TIMD4: variants seen among roughly 807,000 people sequenced by gnomAD.
The protein encoded by TIMD4 is T-cell immunoglobulin and mucin domain-containing protein 4.
In TIMD4, 31 loss-of-function variants were observed where a neutral mutation model predicts 41.2. The ratio of observed to expected loss-of-function variants is 0.75; its 90% CI spans 0.57 to 1.01. TIMD4 has a LOEUF of 1.01. TIMD4 is among the 50% of genes least tolerant of loss of function. The pLI is 0.00. For missense variants in TIMD4, 479 were observed against 472.5 expected (o/e 1.01, Z -0.13); for synonymous variants, 204 against 177.1 (o/e 1.15, Z -1.21).
chr5:156,940,572 C>A (rs1253082698), intron 5 of TIMD4, among the ~76,000 whole-genome samples: 5 of 151,722 alleles, frequency 3.3e-5, no homozygotes, highest in African/African-American at 1.2e-4. Flanking sequence ...CCCGCCGCCC[C>A]GTCTGGGATG....
chr5:156,919,627 T>A, intron 8 of TIMD4, 86 bp from the exon 9 acceptor site: 1 of 1,105,218 alleles, frequency 9.0e-7, no homozygotes, highest in Admixed American at 1.9e-5. Flanking sequence ...ACAGTGCAAT[T>A]ACCCTTAAAG....
chr5:156,923,107 A>G (rs1759280249), intron 6 of TIMD4, among the ~76,000 whole-genome samples: 1 of 151,258 alleles, frequency 6.6e-6, no homozygotes, highest in Admixed American at 6.6e-5. Flanking sequence ...TATGTTGCCC[A>G]GGCTGGGCTC....
At chr5:156,946,515 C>T (rs1285636331) in intron 5 of TIMD4, among the ~76,000 whole-genome samples, 6 of 152,128 alleles carry the variant, frequency 3.9e-5, no homozygotes, top group African/African-American at 1.4e-4. Context: ...TCTCACTCGT[C>T]GCCCAGGCTG....
chr5:156,920,030 A>C (rs919526511), intron 8 of TIMD4, among the ~76,000 whole-genome samples: 5 of 152,226 alleles, frequency 3.3e-5, no homozygotes, highest in Non-Finnish European at 7.3e-5. Context: ...AAAAGGCCCC[A>C]AAACAAGCTG....
chr5:156,962,605 T>G (rs1183158760), intron 1 of TIMD4, among the ~76,000 whole-genome samples: 1 of 152,124 alleles, frequency 6.6e-6, no homozygotes, highest in African/African-American at 2.4e-5. Context: ...CCAGAACACT[T>G]GGCTCTATAC....
chr5:156,944,264 A>G (rs1759697533), intron 5 of TIMD4, among the ~76,000 whole-genome samples: 2 of 152,248 alleles, frequency 1.3e-5, no homozygotes, highest in Middle Eastern at 3.4e-3. Context: ...GCTCCTAGCC[A>G]TTTGGGGTTT....
intron 4 of TIMD4, among the ~76,000 whole-genome samples, chr5:156,948,958 G>A (rs535621528): frequency 6.6e-6 from 1 of 152,296 alleles, no homozygotes; most frequent in South Asian, 2.1e-4. Flanking sequence ...GCTTACAAAT[G>A]TGCCAGGCAC....
Position 156,954,488 on chromosome 5 carries a change from C to G in TIMD4, c.327G>C (p.Val109=). The G allele has an allele frequency of 6.2e-7, 1 of 1,614,236 alleles. No individual in the cohort carries two copies. The highest frequency in any genetic ancestry group is 8.5e-7 in the Non-Finnish European group (1 of 1,180,034). The part of the protein sequence containing the change: ...ILNPSESDSG[V]YCCRIEVPGW... Reference sequence around the variant, plus strand: ...CAGGCACTTCTATGCGGCAGCAGTACACACCGCTGTCACTTTCACTGGGGT... The same window carrying G: ...CAGGCACTTCTATGCGGCAGCAGTAGACACCGCTGTCACTTTCACTGGGGT... The change falls in exon 2 of 9, where the codon GTG becomes GTC. Residue 109 remains valine, a synonymous_variant. Transcript: ENST00000274532.
At position 156,948,510 on chromosome 5, in the gene TIMD4, A is replaced by G; in HGVS notation, c.761-11T>C. Reference sequence around the variant, plus strand: ...CCCAAACTTTGGACTCTTTGGAAAAACAAAGGAAAACAGAAAACAGACTTA... The same window carrying G: ...CCCAAACTTTGGACTCTTTGGAAAAGCAAAGGAAAACAGAAAACAGACTTA... On this transcript the variant is annotated splice_polypyrimidine_tract_variant and intron_variant, in intron 4 of 8. Transcript: ENST00000274532. 1 of 1,529,386 alleles carries G rather than the reference A, an allele frequency of 6.5e-7. No individual in the cohort carries two copies. Among genetic ancestry groups the G allele is most frequent in the Middle Eastern group, 1.8e-4 (1 of 5,690 alleles). 94.7% of individuals were successfully genotyped at this position (1,529,386 alleles called of 1,614,324 possible). A position where few individuals can be genotyped will look rare whatever the true frequency, so the allele number is the denominator to read the frequency against.
At chr5:156,932,220 T>G (rs1303649756) in intron 5 of TIMD4, among the ~76,000 whole-genome samples, 1 of 152,236 alleles carries the variant, frequency 6.6e-6, no homozygotes, top group African/African-American at 2.4e-5. Context: ...ATTTCTAAAT[T>G]TTCTCAAATG....
At chr5:156,920,605 G>T in intron 7 of TIMD4, 102 bp from the exon 8 acceptor site, 2 of 1,236,698 alleles carry the variant, frequency 1.6e-6, no homozygotes, top group Non-Finnish European at 2.4e-6. Flanking sequence ...GCAGATATGG[G>T]CCAAAGGTGA....
chr5:156,945,985 C>T (rs1021431724), intron 5 of TIMD4, among the ~76,000 whole-genome samples: 4 of 152,204 alleles, frequency 2.6e-5, no homozygotes, highest in African/African-American at 7.2e-5. Flanking sequence ...TCCATAGAGA[C>T]TGACTGGCCT....
intron 5 of TIMD4, among the ~76,000 whole-genome samples, chr5:156,927,442 A>G (rs1054227809): frequency 6.6e-6 from 1 of 152,240 alleles, no homozygotes; most frequent in African/African-American, 2.4e-5. Context: ...TGGTAGCTGC[A>G]AGAGATGAGA....
intron 5 of TIMD4, among the ~76,000 whole-genome samples, chr5:156,927,078 G>A (rs963709833): frequency 6.6e-6 from 1 of 152,216 alleles, no homozygotes; most frequent in African/African-American, 2.4e-5. Context: ...AGCCTAACAG[G>A]CCAAAGGTAG....
intron 1 of TIMD4, among the ~76,000 whole-genome samples, chr5:156,956,043 C>T (rs1484952467): frequency 6.6e-6 from 1 of 152,154 alleles, no homozygotes; most frequent in Non-Finnish European, 1.5e-5. Context: ...ACTGTGGTCA[C>T]CATGCAGTGC....
Position 156,919,534 on chromosome 5 carries a change from A to T in TIMD4, c.1060T>A (p.Tyr354Asn), listed in dbSNP as rs750568816. The change falls in exon 9 of 9, where the codon TAC becomes AAC. Residue 354 changes from tyrosine to asparagine, a missense_variant. Tyr to Asn is a moderately radical substitution (Grantham distance 143). Transcript: ENST00000274532. ...YCSQKHTRLD[Y>N]IGDSKNVLND... ...AGGACATTTTTACTATCTCCAATGT[A>T]GTCTAGCCTGTAAACAGAAAAGAGG... 2 of 1,613,816 alleles carry T rather than the reference A, an allele frequency of 1.2e-6. No homozygotes were observed. Among genetic ancestry groups the T allele is most frequent in the Non-Finnish European group, 1.7e-6 (2 of 1,179,798 alleles).
intron 1 of TIMD4, among the ~76,000 whole-genome samples, chr5:156,957,512 C>CAAAAAAAAAAAAAAAAAA (rs3068101): frequency 1.8e-5 from 2 of 113,856 alleles, no homozygotes; most frequent in Non-Finnish European, 1.8e-5. Context: ...GAGTCTATCT[C>CAAAAAAAAAAAAAAAAAA]AAAAAAAAAA....
At position 156,934,045 on chromosome 5, in the gene TIMD4, A is replaced by G. The variant is rs1344505030; in HGVS notation, c.845-7733T>C. On this transcript the variant is annotated intron_variant, in intron 5 of 8. Coordinates refer to ENST00000274532, the MANE Select transcript of TIMD4 (RefSeq NM_138379.3). ...CCAGAACCTGCTTTGTCACTTAATT[A>G]GAACTGTGCTATGTGCAGTTCTGAA... Among the ~76,000 whole-genome samples, 9 of 152,356 alleles carry G rather than the reference A, an allele frequency of 5.9e-5. No individual in the cohort carries two copies. The East Asian group carries it at 1.5e-3, about 26-fold the overall frequency.
chr5:156,949,349 C>T (rs1759807245), intron 4 of TIMD4, among the ~76,000 whole-genome samples: 1 of 152,114 alleles, frequency 6.6e-6, no homozygotes, highest in Non-Finnish European at 1.5e-5. Context: ...AAGCAAACAT[C>T]CTAGAGATGT....
Sources: allele counts gnomAD v4.1 joint callset (sites outside exome capture counted in the v4.1 genomes callset), GRCh38; gene constraint gnomAD v4.1.1; transcripts MANE v1.5; gene names NCBI Gene and HGNC (gene_info 2026-07-23, HGNC 2026-07-21).